Variants in TPD52 observed in about 807,000 individuals in gnomAD.
TPD52 encodes the protein tumor protein D52, also known as prostate and colon associated protein.
A neutral mutation model predicts 31.3 loss-of-function variants in TPD52; 17 were observed. The ratio of observed to expected loss-of-function variants is 0.54; its 90% confidence interval spans 0.37 to 0.82. The LOEUF (loss-of-function observed/expected upper bound fraction) is 0.82. Ranked by LOEUF, TPD52 falls within the 40% of genes least tolerant of loss-of-function variation. The probability of loss-of-function intolerance (pLI) is 0.00; values close to 1 mark genes in which losing one functional copy is unlikely to be tolerated. For synonymous variants in TPD52, 83 were observed against 89.6 expected (o/e 0.93, Z 0.42); for missense variants, 212 against 240.1 (o/e 0.88, Z 0.77).
intron 1 of TPD52, among the ~76,000 whole-genome samples, chr8:80,149,826 A>G (rs1810452132): frequency 6.6e-6 from 1 of 152,242 alleles, no homozygotes; most frequent in African/African-American, 2.4e-5. Context: ...GAAATTTCTA[A>G]GTGGCAAAGC....
rs544953692 is a variant in TPD52, at chr8:80,037,077, G to A, written c.*1039C>T. The A allele has an allele frequency of 2.6e-5, 4 of 152,674 alleles. No individual in the cohort carries two copies. In the East Asian group the frequency reaches 7.7e-4, roughly 29 times the overall value. 9.5% of individuals were successfully genotyped at this position (152,674 alleles called of 1,614,324 possible). A position where few individuals can be genotyped will look rare whatever the true frequency, so the allele number is the denominator to read the frequency against. ...ACATTGAAAACAAGTAGAAAATGAT[G>A]AGTTGATTTTTATTAATGCATTACA... On this transcript the variant is annotated 3_prime_UTR_variant, in exon 8 of 8. Coordinates refer to ENST00000518937, the MANE Select transcript of TPD52 (RefSeq NM_001025253.3).
chr8:80,044,243 G>A (rs768286936), intron 5 of TPD52, 35 bp from the exon 6 acceptor site: 2 of 1,519,394 alleles, frequency 1.3e-6, no homozygotes, highest in Non-Finnish European at 1.8e-6. Flanking sequence ...TAGAAATAAG[G>A]TTAGTATAGT....
At chr8:80,130,432 C>G (rs1808942542) in intron 1 of TPD52, among the ~76,000 whole-genome samples, 1 of 152,136 alleles carries the variant, frequency 6.6e-6, no homozygotes. Context: ...CTGATTTCTT[C>G]CTACCAGTCC....
chr8:80,125,463 C>T (rs367790343), intron 1 of TPD52, among the ~76,000 whole-genome samples: 5 of 151,862 alleles, frequency 3.3e-5, no homozygotes, highest in African/African-American at 1.2e-4. Context: ...GCACAGCTGG[C>T]GATGATACTG....
chr8:80,152,550 GCAGGTAGAT>G (rs1485734458), intron 1 of TPD52, among the ~76,000 whole-genome samples: 1 of 152,164 alleles, frequency 6.6e-6, no homozygotes, highest in Non-Finnish European at 1.5e-5. Context: ...GGAGGCCAAG[GCAGGTAGAT>G]CACCTGAGGT....
intron 1 of TPD52, among the ~76,000 whole-genome samples, chr8:80,132,587 G>A (rs1307516933): frequency 6.6e-6 from 1 of 152,082 alleles, no homozygotes. Flanking sequence ...AAATGTTTCA[G>A]AACTGGTTGT....
chr8:80,044,034 T>TA, intron 6 of TPD52, 133 bp downstream of exon 6: 1 of 697,470 alleles, frequency 1.4e-6, no homozygotes, highest in South Asian at 1.8e-5. Flanking sequence ...AGCTGAAAAC[T>TA]GATAGAGTGT....
chr8:80,054,050 C>A lies in TPD52; in HGVS notation c.136-620G>T, dbSNP rs1395877715. Among the ~76,000 whole-genome samples the A allele has an allele frequency of 3.3e-5, 5 of 152,310 alleles. No homozygotes were observed. The East Asian group carries it at 9.6e-4, about 29-fold the overall frequency. The stretch of plus-strand genomic sequence containing the variant: ...AGGGTTTCATGTGAACCCCTTGATG[C>A]TGACTGCCCAGACTTGACTAGGTGG... On this transcript the variant is annotated intron_variant, in intron 2 of 7. Transcript: ENST00000518937.
intron 1 of TPD52, among the ~76,000 whole-genome samples, chr8:80,101,715 A>T (rs1259909061): frequency 6.6e-6 from 1 of 152,102 alleles, no homozygotes; most frequent in Non-Finnish European, 1.5e-5. Context: ...AGGTTCTTTG[A>T]AACAGCCAGC....
rs1005230430 is a variant in TPD52 at position 80,094,528 on chromosome 8, A to G, written c.20-29935T>C. Among the ~76,000 whole-genome samples the G allele has an allele frequency of 2.8e-5, 4 of 141,112 alleles. No homozygotes were observed. In the East Asian group the frequency reaches 8.5e-4, roughly 30 times the overall value. 92.6% of individuals were successfully genotyped at this position (141,112 alleles called of 152,430 possible). The stretch of plus-strand genomic sequence containing the variant: ...GAGGGAGACATAAAGATTGTTGCCA[A>G]TAGCCACTGAGATTTTGGGAGTTAC... On this transcript the variant is annotated intron_variant, in intron 1 of 7. Coordinates refer to ENST00000518937, the MANE Select transcript of TPD52 (RefSeq NM_001025253.3).
At chr8:80,149,956 G>A (rs1237612949) in intron 1 of TPD52, among the ~76,000 whole-genome samples, 2 of 152,190 alleles carry the variant, frequency 1.3e-5, no homozygotes, top group Non-Finnish European at 2.9e-5. Context: ...GGAGACAAAC[G>A]TTAGACAAAC....
intron 1 of TPD52, among the ~76,000 whole-genome samples, chr8:80,123,817 T>C (rs1325875143): frequency 6.6e-6 from 1 of 152,198 alleles, no homozygotes; most frequent in African/African-American, 2.4e-5. Context: ...TTCTTGGTAC[T>C]GGTCAAAGAG....
chr8:80,143,939 T>C (rs148029480), intron 1 of TPD52, among the ~76,000 whole-genome samples: 12 of 126,580 alleles, frequency 9.5e-5, no homozygotes, highest in Admixed American at 5.8e-4. Context: ...TAAACAATCA[T>C]AAAAGTCACA....
intron 1 of TPD52, among the ~76,000 whole-genome samples, chr8:80,146,686 CA>C (rs538548348): frequency 8.4e-4 from 128 of 152,126 alleles, no homozygotes; most frequent in African/African-American, 3.1e-3. Context: ...TAATAGTTAA[CA>C]AAAAATACTG....
intron 1 of TPD52, among the ~76,000 whole-genome samples, chr8:80,146,944 T>C (rs574620914): frequency 6.6e-6 from 1 of 152,332 alleles, no homozygotes; most frequent in Admixed American, 6.5e-5. Flanking sequence ...CAGCATCACC[T>C]GTGAACTTGC....
At chr8:80,031,145 CCA>C (rs141212780), downstream of TPD52, among the ~76,000 whole-genome samples, 3,336 of 152,298 alleles carry the variant, frequency 0.022, 142 homozygotes, top group African/African-American at 0.076. Flanking sequence ...TAATATTAAT[CCA>C]CAGTTAGTTT....
chr8:80,151,954 A>G (rs537100618), intron 1 of TPD52, among the ~76,000 whole-genome samples: 1 of 152,262 alleles, frequency 6.6e-6, no homozygotes, highest in East Asian at 1.9e-4. Context: ...AGACAATGTT[A>G]ATTGCGCTTA....
rs180746505 is a variant in TPD52 at position 80,078,519 on chromosome 8, G to C, written c.20-13926C>G. 2.4e-3 allele frequency among the ~76,000 whole-genome samples: 365 copies of C among 152,276 alleles called. 3 individuals carry two copies. Among genetic ancestry groups the C allele is most frequent in the South Asian group, 0.018 (88 of 4,820 alleles). On this transcript the variant is annotated intron_variant, in intron 1 of 7. Coordinates refer to ENST00000518937, the MANE Select transcript of TPD52 (RefSeq NM_001025253.3). ...TGTTTGATGTTCAGACAGGTGTGCA[G>C]ACTTCTTATGCCCTGAGGGGTCATG... is the stretch of plus-strand genomic sequence containing the variant.
intron 1 of TPD52, among the ~76,000 whole-genome samples, chr8:80,081,035 C>T (rs1396777210): frequency 1.3e-5 from 2 of 152,056 alleles, no homozygotes; most frequent in Non-Finnish European, 2.9e-5. Flanking sequence ...CCTGGTTTAG[C>T]AATCAGCTTT....
Sources: allele counts gnomAD v4.1 joint callset (sites outside exome capture counted in the v4.1 genomes callset), GRCh38; gene constraint gnomAD v4.1.1; transcripts MANE v1.5; gene names NCBI Gene and HGNC (gene_info 2026-07-23, HGNC 2026-07-21).